Variants in CDH17 observed in about 807,000 individuals in gnomAD.
CDH17 encodes cadherin 17, also known as cadherin-17.
A neutral mutation model predicts 86.3 loss-of-function variants in CDH17; 67 were observed. The observed-to-expected ratio is 0.78, with a 90% CI of 0.64 to 0.95. CDH17 has a LOEUF of 0.95. Among genes scored for constraint, CDH17 ranks in the 40% least tolerant of loss-of-function variants. The probability of loss-of-function intolerance (pLI) is 0.00; values close to 1 mark genes in which losing one functional copy is unlikely to be tolerated. For synonymous variants in CDH17, 367 were observed against 366.4 expected, an observed-to-expected ratio of 1.00 and a Z score of -0.02; for missense variants, 993 against 1,017.6, an observed-to-expected ratio of 0.98 and a Z score of 0.33.
chr8:94,185,915 G>A (rs977565056), intron 3 of CDH17, among the ~76,000 whole-genome samples: 3 of 152,108 alleles, frequency 2.0e-5, no homozygotes, highest in Admixed American at 2.0e-4. Context: ...CTAAAGACAA[G>A]TATGAGAAAG....
At chr8:94,178,325 A>T (rs1202426436) in intron 3 of CDH17, among the ~76,000 whole-genome samples, 1 of 152,134 alleles carries the variant, frequency 6.6e-6, no homozygotes, top group South Asian at 2.1e-4. Flanking sequence ...GTATACTTTT[A>T]TATATTTTTA....
At chr8:94,164,568 G>A (rs1488135510) in intron 10 of CDH17, among the ~76,000 whole-genome samples, 1 of 152,122 alleles carries the variant, frequency 6.6e-6, no homozygotes, top group East Asian at 1.9e-4. Flanking sequence ...TCAAATTACT[G>A]GGTTTCAAAC....
Position 94,127,720 on chromosome 8 carries a change from C to G in CDH17, c.*520G>C, listed in dbSNP as rs377610823. On this transcript the variant is annotated 3_prime_UTR_variant, in exon 18 of 18. Coordinates refer to ENST00000027335, the MANE Select transcript of CDH17 (RefSeq NM_004063.4). ...AATATTTAATGAGTCTGTCTTGCCC[C>G]AAAAGGGAAAAACACAAGTAGCTAA... 92 of 153,026 alleles carry G rather than the reference C, an allele frequency of 6.0e-4. 2 individuals are homozygous for G. In the South Asian group the frequency reaches 0.018, roughly 31 times the overall value. The allele number at this position is 153,026 out of a possible 1,614,324, so 9.5% of individuals were successfully genotyped here.
chr8:94,215,196 T>C (rs1814175121), intron 1 of CDH17, among the ~76,000 whole-genome samples: 1 of 152,188 alleles, frequency 6.6e-6, no homozygotes, highest in Non-Finnish European at 1.5e-5. Flanking sequence ...CAAATATTCA[T>C]AGCAGCATTA....
intron 15 of CDH17, among the ~76,000 whole-genome samples, chr8:94,135,210 T>C (rs1215491447): frequency 6.6e-6 from 1 of 152,228 alleles, no homozygotes; most frequent in Non-Finnish European, 1.5e-5. Flanking sequence ...GTCCTGGATA[T>C]CCTTGTTAAC....
chr8:94,176,686 T>C lies in CDH17; in HGVS notation c.286-7A>G, dbSNP rs765123939. 1.9e-6 allele frequency: 3 copies of C among 1,608,400 alleles called. No homozygotes were observed. The Admixed American group carries it at 5.1e-5, about 27-fold the overall frequency. The stretch of plus-strand genomic sequence containing the variant: ...TAGCGTCCAGGGCTGCAACCTGATG[T>C]TGAGGAAAAGGAAACCATGTTGGTG... On this transcript the variant is annotated splice_polypyrimidine_tract_variant and splice_region_variant and intron_variant, in intron 4 of 17. Transcript: ENST00000027335.
At chr8:94,205,392 G>C (rs1483669883) in intron 1 of CDH17, among the ~76,000 whole-genome samples, 1 of 152,106 alleles carries the variant, frequency 6.6e-6, no homozygotes, top group Non-Finnish European at 1.5e-5. Context: ...AAATTCAGTA[G>C]GAAGTAAATC....
chr8:94,142,612 A>G (rs1373744470), intron 15 of CDH17, among the ~76,000 whole-genome samples: 2 of 151,850 alleles, frequency 1.3e-5, no homozygotes, highest in African/African-American at 4.8e-5. Flanking sequence ...AACATCTCTC[A>G]AAAATTGGAG....
intron 1 of CDH17, among the ~76,000 whole-genome samples, chr8:94,214,597 G>A (rs1018064585): frequency 4.6e-5 from 7 of 151,924 alleles, no homozygotes; most frequent in East Asian, 1.9e-4. Flanking sequence ...AGGAAATGAT[G>A]TCTTAGCTAT....
At chr8:94,135,408 G>A (rs2130572729) in intron 15 of CDH17, among the ~76,000 whole-genome samples, 1 of 152,296 alleles carries the variant, frequency 6.6e-6, no homozygotes, top group South Asian at 2.1e-4. Context: ...TTACCATTAT[G>A]TAATGGCCTC....
chr8:94,150,513 C>T (rs1812836683), intron 13 of CDH17, among the ~76,000 whole-genome samples: 1 of 152,306 alleles, frequency 6.6e-6, no homozygotes, highest in African/African-American at 2.4e-5. Context: ...CTGGAGTCAT[C>T]CTTAATTCTT....
chr8:94,145,890 C>T (rs1563568129), intron 15 of CDH17, 38 bp downstream of exon 15: 1 of 1,587,962 alleles, frequency 6.3e-7, no homozygotes, highest in Non-Finnish European at 8.6e-7. Flanking sequence ...CTTTCATCAT[C>T]CATCTATGTT....
intron 15 of CDH17, among the ~76,000 whole-genome samples, chr8:94,137,844 G>C (rs1011652158): frequency 1.3e-5 from 2 of 152,178 alleles, no homozygotes; most frequent in African/African-American, 4.8e-5. Flanking sequence ...TTATCATGTA[G>C]ATTATTTTAT....
At chr8:94,181,064 C>G (rs1353503329) in intron 3 of CDH17, among the ~76,000 whole-genome samples, 1 of 150,540 alleles carries the variant, frequency 6.6e-6, no homozygotes, top group Non-Finnish European at 1.5e-5. Flanking sequence ...TCAGACAAAA[C>G]AGACTTTAAA....
intron 1 of CDH17, among the ~76,000 whole-genome samples, chr8:94,201,041 G>C (rs762406715): frequency 2.0e-5 from 3 of 152,156 alleles, no homozygotes; most frequent in African/African-American, 4.8e-5. Context: ...ATATCCTGAT[G>C]ATGAGACACC....
At position 94,174,001 on chromosome 8, in the gene CDH17, G is replaced by A; in HGVS notation, c.584-5C>T. 3.1e-6 allele frequency: 5 copies of A among 1,613,042 alleles called. No homozygotes were observed. The highest frequency in any genetic ancestry group is 3.4e-6 in the Non-Finnish European group (4 of 1,179,120). ...CAGGATTCAATTCCTGAGATCCTGT[G>A]AGAAGTAGGGGAGAAGGGAATAGGA... is the stretch of plus-strand genomic sequence containing the variant. On this transcript the variant is annotated splice_region_variant and splice_polypyrimidine_tract_variant and intron_variant, in intron 6 of 17. Coordinates refer to ENST00000027335, the MANE Select transcript of CDH17 (RefSeq NM_004063.4).
intron 10 of CDH17, among the ~76,000 whole-genome samples, chr8:94,164,815 C>T (rs1424887514): frequency 2.0e-5 from 3 of 152,110 alleles, no homozygotes; most frequent in African/African-American, 4.8e-5. Flanking sequence ...TCTTTGAATC[C>T]AGGTATTTTG....
chr8:94,143,748 A>T (rs1477487948), intron 15 of CDH17, among the ~76,000 whole-genome samples: 1 of 152,226 alleles, frequency 6.6e-6, no homozygotes, highest in African/African-American at 2.4e-5. Flanking sequence ...TGCTAGCTTC[A>T]AACTTATTCT....
chr8:94,171,584 C>T (rs1200917130), intron 7 of CDH17, among the ~76,000 whole-genome samples: 1 of 152,178 alleles, frequency 6.6e-6, no homozygotes, highest in Admixed American at 6.5e-5. Context: ...GACCAGTCTA[C>T]TTGCTATATA....
Sources: allele counts gnomAD v4.1 joint callset (sites outside exome capture counted in the v4.1 genomes callset), GRCh38; gene constraint gnomAD v4.1.1; transcripts MANE v1.5; gene names NCBI Gene and HGNC (gene_info 2026-07-23, HGNC 2026-07-21).